The following HEATR5A variants were observed in gnomAD, a reference collection of about 807,000 sequenced individuals.
HEATR5A encodes the protein HEAT repeat-containing protein 5A.
Under a neutral mutation model 218.8 loss-of-function variants are expected in HEATR5A, and 178 were observed. That is an observed-to-expected ratio of 0.81 (90% CI 0.72 to 0.92). The LOEUF is 0.92. HEATR5A is among the 40% of genes least tolerant of loss of function. The probability of loss-of-function intolerance (pLI) is 0.00; values close to 1 mark genes in which losing one functional copy is unlikely to be tolerated. For missense variants in HEATR5A, 2,420 were observed against 2,418.9 expected (o/e 1.00, Z -0.01); for synonymous variants, 864 against 871.6 (o/e 0.99, Z 0.15).
chr14:31,321,391 C>T (rs992638685), intron 25 of HEATR5A, 108 bp downstream of exon 25: 2 of 791,110 alleles, frequency 2.5e-6, no homozygotes, highest in Non-Finnish European at 3.8e-6. Context: ...ACCTACCCGC[C>T]TTGGCCTCCC....
At chr14:31,389,143 T>A in intron 6 of HEATR5A, 138 bp from the exon 7 acceptor site, 1 of 754,806 alleles carries the variant, frequency 1.3e-6, no homozygotes, top group African/African-American at 1.7e-5. Context: ...CAGAACAGTC[T>A]ACACAGTAAC....
intron 16 of HEATR5A, among the ~76,000 whole-genome samples, chr14:31,351,640 A>G (rs1420404489): frequency 6.6e-6 from 1 of 152,298 alleles, no homozygotes; most frequent in South Asian, 2.1e-4. Context: ...TTGGGGATCC[A>G]AAGAGCTATG....
In HEATR5A at chr14:31,291,820, T is replaced by C. The variant is rs1024966693; in HGVS notation, c.*1485A>G. On this transcript the variant is annotated 3_prime_UTR_variant, in exon 36 of 36. Transcript: ENST00000543095. ...GAAAATTAGCTTTATTTATGTAATTTAGAAAAAATGATTGTAGTGTTAGAG... is the reference window on the plus strand; with the variant it reads ...GAAAATTAGCTTTATTTATGTAATTCAGAAAAAATGATTGTAGTGTTAGAG... 2 of 152,202 alleles carry C rather than the reference T, an allele frequency of 1.3e-5. No individual in the cohort carries two copies. The highest frequency in any genetic ancestry group is 2.9e-5 in the Non-Finnish European group (2 of 68,042). 9.4% of individuals were successfully genotyped at this position (152,202 alleles called of 1,614,324 possible).
intron 34 of HEATR5A, among the ~76,000 whole-genome samples, chr14:31,294,688 G>A (rs567114176): frequency 6.6e-6 from 1 of 152,176 alleles, no homozygotes; most frequent in African/African-American, 2.4e-5. Flanking sequence ...TGGGATTACA[G>A]ACATGAGCCA....
intron 11 of HEATR5A, 128 bp downstream of exon 11, chr14:31,380,339 A>C: frequency 1.7e-6 from 1 of 596,750 alleles, no homozygotes; most frequent in Non-Finnish European, 2.9e-6. Context: ...CTACAAGAAA[A>C]ATGTTTGTGT....
chr14:31,340,020 T>C (rs938913858), intron 21 of HEATR5A, among the ~76,000 whole-genome samples: 1 of 152,156 alleles, frequency 6.6e-6, no homozygotes, highest in Non-Finnish European at 1.5e-5. Context: ...CCTTTACTTA[T>C]TTGGTAGAAA....
At chr14:31,373,009 A>G (rs965212262) in intron 12 of HEATR5A, among the ~76,000 whole-genome samples, 2 of 151,394 alleles carry the variant, frequency 1.3e-5, no homozygotes, top group South Asian at 2.1e-4. Context: ...TGCAACCACA[A>G]CTCAATGAAG....
In HEATR5A at chr14:31,387,300, G is replaced by C; in HGVS notation, c.1009C>G (p.Leu337Val). 2 of 1,613,916 alleles carry C rather than the reference G, an allele frequency of 1.2e-6. No individual in the cohort carries two copies. Among genetic ancestry groups the C allele is most frequent in the Non-Finnish European group, 1.7e-6 (2 of 1,179,860 alleles). ...GGGTGTGACGGTGACGCAAGGCTTA[G>C]GATATGAGAAAAAAAGGCAGCAAAA... ...KNFAAFFSHI[L>V]SLASPSHPKA... Residue 337 changes from leucine to valine, a missense_variant, in exon 8 of 36, where the codon CTA becomes GTA. By Grantham distance (32) the Leu-to-Val change is conservative. Transcript: ENST00000543095.
intron 35 of HEATR5A, 99 bp from the exon 36 acceptor site, chr14:31,293,711 AAAC>A: frequency 8.2e-7 from 1 of 1,217,188 alleles, no homozygotes; most frequent in Non-Finnish European, 1.1e-6. Flanking sequence ...CCACTAAAGA[AAAC>A]AATTCGTCCA....
At chr14:31,352,629 G>A (rs956100772) in intron 16 of HEATR5A, among the ~76,000 whole-genome samples, 1 of 152,076 alleles carries the variant, frequency 6.6e-6, no homozygotes, top group Non-Finnish European at 1.5e-5. Flanking sequence ...CATCATAAGG[G>A]TTGGGGAAAG....
chr14:31,322,711 C>T (rs1020798005), intron 24 of HEATR5A, among the ~76,000 whole-genome samples: 2 of 149,498 alleles, frequency 1.3e-5, no homozygotes, highest in Non-Finnish European at 1.5e-5. Context: ...CCCAGCTACT[C>T]GGGAGGCTGG....
intron 1 of HEATR5A, among the ~76,000 whole-genome samples, chr14:31,404,196 C>T (rs2030977852): frequency 6.6e-6 from 1 of 152,116 alleles, no homozygotes; most frequent in South Asian, 2.1e-4. Flanking sequence ...TAGAAGGTAC[C>T]AGATCATATA....
At chr14:31,315,612 A>G (rs1899889273) in intron 27 of HEATR5A, among the ~76,000 whole-genome samples, 158 bp downstream of exon 27, 2 of 152,260 alleles carry the variant, frequency 1.3e-5, no homozygotes, top group Admixed American at 6.5e-5. Context: ...CTTGACTAAC[A>G]TATTAACATA....
chr14:31,393,995 A>T (rs2030553417), intron 6 of HEATR5A, 57 bp downstream of exon 6: 1 of 1,165,600 alleles, frequency 8.6e-7, no homozygotes, highest in Non-Finnish European at 1.2e-6. Context: ...ATATTTGTTT[A>T]TATCAACTGG....
At chr14:31,418,063 C>A (rs2031514452) in intron 1 of HEATR5A, among the ~76,000 whole-genome samples, 1 of 151,350 alleles carries the variant, frequency 6.6e-6, no homozygotes, top group Non-Finnish European at 1.5e-5. Flanking sequence ...CAAAAATTAG[C>A]CTGGCGTGGT....
intron 22 of HEATR5A, among the ~76,000 whole-genome samples, chr14:31,336,757 T>C (rs940935841): frequency 6.6e-6 from 1 of 152,170 alleles, no homozygotes; most frequent in Non-Finnish European, 1.5e-5. Context: ...CCCATTTCAT[T>C]TGACTGCGGT....
chr14:31,411,886 C>A (rs761566315), intron 1 of HEATR5A, among the ~76,000 whole-genome samples: 1 of 152,008 alleles, frequency 6.6e-6, no homozygotes, highest in Non-Finnish European at 1.5e-5. Context: ...AAGACAGTCT[C>A]GTTCTCTTGC....
intron 12 of HEATR5A, among the ~76,000 whole-genome samples, chr14:31,372,605 G>T (rs2031171708): frequency 6.6e-6 from 1 of 152,200 alleles, no homozygotes; most frequent in Non-Finnish European, 1.5e-5. Context: ...GAGGAGGGCA[G>T]ATCACCTGAA....
chr14:31,345,003 T>A, intron 20 of HEATR5A, 84 bp downstream of exon 20: 1 of 1,125,720 alleles, frequency 8.9e-7, no homozygotes, highest in Non-Finnish European at 1.3e-6. Context: ...ACCTATCACG[T>A]GCCAAGCATA....
Sources: gnomAD v4.1 joint callset for allele counts (sites outside exome capture counted in the v4.1 genomes callset) on GRCh38, gnomAD v4.1.1 for gene constraint, MANE v1.5 for transcripts, NCBI Gene and HGNC (gene_info 2026-07-23, HGNC 2026-07-21) for gene names.